Variants in BORCS7 observed in about 807,000 individuals in gnomAD.
The protein encoded by BORCS7 is BLOC-1-related complex subunit 7.
Under a neutral mutation model 17.5 loss-of-function variants are expected in BORCS7, and 20 were observed. The ratio of observed to expected loss-of-function variants is 1.14; its 90% confidence interval spans 0.80 to 1.66. The LOEUF (loss-of-function observed/expected upper bound fraction) is 1.66. Among genes scored for constraint, BORCS7 ranks in the 40% most tolerant of loss-of-function variants. BORCS7 has a pLI of 0.00. For synonymous variants in BORCS7, 57 were observed against 49.8 expected (o/e 1.14, Z -0.61); for missense variants, 122 against 129.7 (o/e 0.94, Z 0.29).
chr10:102,861,865 G>A (rs1844526964), intron 3 of BORCS7, among the ~76,000 whole-genome samples: 1 of 152,200 alleles, frequency 6.6e-6, no homozygotes, highest in African/African-American at 2.4e-5. Context: ...TATTAGGTAT[G>A]TGACCATTTG....
chr10:102,862,766 A>T, intron 4 of BORCS7, 107 bp from the exon 5 acceptor site: 1 of 900,690 alleles, frequency 1.1e-6, no homozygotes. Context: ...TGTGCAGCAT[A>T]GTGAGACCCT....
intron 3 of BORCS7, 45 bp from the exon 4 acceptor site, chr10:102,862,115 A>C (rs1564787414): frequency 6.5e-7 from 1 of 1,546,134 alleles, no homozygotes; most frequent in Non-Finnish European, 8.9e-7. Context: ...AATGAAACTT[A>C]TTAGTTCACT....
chr10:102,862,032 G>C, intron 3 of BORCS7, 128 bp from the exon 4 acceptor site: 1 of 875,080 alleles, frequency 1.1e-6, no homozygotes, highest in Admixed American at 2.3e-5. Context: ...ACAATCTTAG[G>C]ATAGGATGGA....
intron 3 of BORCS7, chr10:102,860,802 C>G: frequency 1.7e-6 from 1 of 575,986 alleles, no homozygotes; most frequent in South Asian, 2.1e-5. Context: ...GACTATAAAC[C>G]CTGTAAAGGC....
At position 102,864,775 on chromosome 10, in the gene BORCS7, A is replaced by C. The variant is rs1359842067; in HGVS notation, c.*1851A>C. On this transcript the variant is annotated 3_prime_UTR_variant, in exon 5 of 5. Coordinates refer to ENST00000339834, the MANE Select transcript of BORCS7 (RefSeq NM_001136200.2). Reference sequence around the variant, plus strand: ...GGTTTGTTTTTTTATGGAAATAAACAACATACATAGAATTAAATGGTGATC... The same window carrying C: ...GGTTTGTTTTTTTATGGAAATAAACCACATACATAGAATTAAATGGTGATC... 2 of 152,316 alleles carry C rather than the reference A, an allele frequency of 1.3e-5. No homozygotes were observed. Among genetic ancestry groups the C allele is most frequent in the Admixed American group, 6.5e-5 (1 of 15,298 alleles). The allele number at this position is 152,316 out of a possible 1,614,324, so 9.4% of individuals were successfully genotyped here.
At chr10:102,857,354 A>G (rs890927955) in intron 1 of BORCS7, among the ~76,000 whole-genome samples, 1 of 152,154 alleles carries the variant, frequency 6.6e-6, no homozygotes, top group Non-Finnish European at 1.5e-5. Flanking sequence ...AATGAAGTAG[A>G]TTGTTGGAAC....
At chr10:102,857,816 A>G (rs1460998242) in intron 1 of BORCS7, among the ~76,000 whole-genome samples, 1 of 152,128 alleles carries the variant, frequency 6.6e-6, no homozygotes, top group African/African-American at 2.4e-5. Context: ...TGAATAGGAG[A>G]TTCAATATGT....
rs1208879523 is a variant in BORCS7 at position 102,862,959 on chromosome 10, C to T, written c.*35C>T. ...TAAGAGTGCTGTAGGACTCCTTTGC[C>T]TAATGCTGAGGAGTAAATACCTTAC... On this transcript the variant is annotated 3_prime_UTR_variant, in exon 5 of 5. Transcript: ENST00000339834. The T allele has an allele frequency of 1.3e-6, 2 of 1,536,124 alleles. No individual in the cohort carries two copies. The highest frequency in any genetic ancestry group is 9.0e-7 in the Non-Finnish European group (1 of 1,109,142).
rs530184624 is a variant in BORCS7 at position 102,854,276 on chromosome 10, C to G, written c.-11C>G. 4 of 1,604,880 alleles carry G rather than the reference C, an allele frequency of 2.5e-6. No individual in the cohort carries two copies. In the South Asian group the frequency reaches 3.4e-5, roughly 14 times the overall value. ...TCACCATCGTCAGTGCGCAACCGTTCGCTAACTGAAATGATGGCGACTGGA... is the reference window on the plus strand; with the variant it reads ...TCACCATCGTCAGTGCGCAACCGTTGGCTAACTGAAATGATGGCGACTGGA... On this transcript the variant is annotated 5_prime_UTR_variant, in exon 1 of 5. Transcript: ENST00000339834.
chr10:102,860,382 G>A lies in BORCS7; in HGVS notation c.192G>A (p.Leu64=), dbSNP rs1421639211. ...TGGTACTCCAGGAAGATGCCATCTT[G>A]CACTCAGAAGATGTAAGAAACAACT... ...RNMVLQEDAI[L]HSEDSLRKMA... The change falls in exon 2 of 5, where the codon TTG becomes TTA. Residue 64 remains leucine (L), a synonymous_variant. Transcript: ENST00000339834. 6.2e-7 allele frequency: 1 copy of A among 1,613,880 alleles called. No individual in the cohort carries two copies. Among genetic ancestry groups the A allele is most frequent in the East Asian group, 2.2e-5 (1 of 44,862 alleles).
In BORCS7 at chr10:102,862,190, C is replaced by A; in HGVS notation, c.269+10C>A. On this transcript the variant is annotated intron_variant, in intron 4 of 4. Transcript: ENST00000339834. ...AAGCTATTCAGAAGAAGTAAGTAAC[C>A]CCAAAGGTAGAGGAGTAGGGAACCA... 1 of 1,607,930 alleles carries A rather than the reference C, an allele frequency of 6.2e-7. No individual in the cohort carries two copies. The highest frequency in any genetic ancestry group is 8.5e-7 in the Non-Finnish European group (1 of 1,174,604).
chr10:102,859,338 C>T (rs1362266375), intron 1 of BORCS7, among the ~76,000 whole-genome samples: 1 of 151,700 alleles, frequency 6.6e-6, no homozygotes, highest in Non-Finnish European at 1.5e-5. Context: ...AGGGGTTTTG[C>T]CATGTTGGCC....
intron 1 of BORCS7, among the ~76,000 whole-genome samples, chr10:102,859,950 C>A (rs1844490187): frequency 6.6e-6 from 1 of 152,290 alleles, no homozygotes; most frequent in African/African-American, 2.4e-5. Flanking sequence ...TTTCAAACAA[C>A]CCCAAATCTC....
intron 1 of BORCS7, among the ~76,000 whole-genome samples, chr10:102,857,275 G>A (rs892876269): frequency 2.6e-5 from 4 of 152,190 alleles, no homozygotes; most frequent in East Asian, 3.9e-4. Context: ...TCTGAGCCCC[G>A]TTATCACTCT....
At chr10:102,858,899 G>A (rs145061592) in intron 1 of BORCS7, among the ~76,000 whole-genome samples, 8 of 151,998 alleles carry the variant, frequency 5.3e-5, no homozygotes, top group Admixed American at 2.6e-4. Flanking sequence ...GGGAAGGGCC[G>A]GTAGGATACA....
At chr10:102,862,445 G>C (rs1195314116) in intron 4 of BORCS7, among the ~76,000 whole-genome samples, 1 of 152,134 alleles carries the variant, frequency 6.6e-6, no homozygotes, top group Non-Finnish European at 1.5e-5. Context: ...CTTTTACATT[G>C]GTAATATTCA....
intron 4 of BORCS7, 77 bp downstream of exon 4, chr10:102,862,257 T>A: frequency 7.0e-7 from 1 of 1,421,872 alleles, no homozygotes; most frequent in Non-Finnish European, 9.8e-7. Context: ...GGGTCCAGAA[T>A]CAATACAAAA....
chr10:102,864,034 T>C lies in BORCS7; in HGVS notation c.*1110T>C, dbSNP rs1844559601. ...TGTTTGTCTGTGTTCATTGGATCCA[T>C]CTTTTTAAATGACATTACCATGAGT... is the stretch of plus-strand genomic sequence containing the variant. On this transcript the variant is annotated 3_prime_UTR_variant, in exon 5 of 5. Transcript: ENST00000339834. The C allele has an allele frequency of 6.6e-6, 1 of 152,246 alleles. No homozygotes were observed. The highest frequency in any genetic ancestry group is 2.4e-5 in the African/African-American group (1 of 41,466). 9.4% of individuals were successfully genotyped at this position (152,246 alleles called of 1,614,324 possible).
chr10:102,863,102 G>A lies in BORCS7; in HGVS notation c.*178G>A, dbSNP rs1401048384. The A allele has an allele frequency of 1.9e-5, 10 of 512,876 alleles. No individual in the cohort carries two copies. Among genetic ancestry groups the A allele is most frequent in the Non-Finnish European group, 3.1e-5 (9 of 286,062 alleles). 31.8% of individuals were successfully genotyped at this position (512,876 alleles called of 1,614,324 possible). ...TGTAATCCCAGCACTTTGGGAGGCC[G>A]AGGCGGGTGGATCACGAGGTCAGGA... On this transcript the variant is annotated 3_prime_UTR_variant, in exon 5 of 5. Transcript: ENST00000339834.
Sources: gnomAD v4.1 joint callset for allele counts (sites outside exome capture counted in the v4.1 genomes callset) on GRCh38, gnomAD v4.1.1 for gene constraint, MANE v1.5 for transcripts, NCBI Gene and HGNC (gene_info 2026-07-23, HGNC 2026-07-21) for gene names.